Variants in RBFOX1 observed in about 807,000 individuals in gnomAD.
RBFOX1 encodes RNA binding protein fox-1 homolog 1.
Under a neutral mutation model 57.7 loss-of-function variants are expected in RBFOX1, and 8 were observed. The observed-to-expected ratio is 0.14, with a 90% CI of 0.08 to 0.25. The LOEUF is 0.25. RBFOX1 is among the 10% of genes least tolerant of loss of function. The pLI is 1.00. For synonymous variants in RBFOX1, 326 were observed against 222.4 expected, an observed-to-expected ratio of 1.47 and a Z score of -4.15; for missense variants, 611 against 548.5, an observed-to-expected ratio of 1.11 and a Z score of -1.14.
intron 14 of RBFOX1, among the ~76,000 whole-genome samples, chr16:7,692,211 A>G (rs532276612): frequency 6.6e-6 from 1 of 152,246 alleles, no homozygotes; most frequent in Non-Finnish European, 1.5e-5. Flanking sequence ...GTAGGAGAAA[A>G]GTACTAAAAA....
chr16:5,491,715 C>G (rs1244930790), intron 2 of RBFOX1, among the ~76,000 whole-genome samples: 1 of 152,228 alleles, frequency 6.6e-6, no homozygotes, highest in Non-Finnish European at 1.5e-5. Context: ...CCAGAATGTT[C>G]TCAGACTGCT....
At chr16:6,764,524 G>T (rs1039010100) in intron 3 of RBFOX1, among the ~76,000 whole-genome samples, 4 of 152,156 alleles carry the variant, frequency 2.6e-5, no homozygotes, top group African/African-American at 4.8e-5. Context: ...TCCACTCAAT[G>T]TTGGAGCAAC....
At chr16:7,384,739 C>T (rs1366776505) in intron 4 of RBFOX1, among the ~76,000 whole-genome samples, 2 of 152,226 alleles carry the variant, frequency 1.3e-5, no homozygotes, top group African/African-American at 2.4e-5. Flanking sequence ...GGATGAGTCT[C>T]TCATTCACTC....
intron 1 of RBFOX1, among the ~76,000 whole-genome samples, chr16:6,061,296 G>A (rs2095683135): frequency 6.6e-6 from 1 of 152,138 alleles, no homozygotes; most frequent in Non-Finnish European, 1.5e-5. Context: ...GCTATAATAA[G>A]CATGTTCATC....
At chr16:5,693,668 T>C (rs1421942137) in intron 3 of RBFOX1, among the ~76,000 whole-genome samples, 1 of 152,180 alleles carries the variant, frequency 6.6e-6, no homozygotes, top group African/African-American at 2.4e-5. Context: ...GTTCCAGAAC[T>C]TTTGATGCCA....
At chr16:6,943,860 C>T (rs1257761015) in intron 3 of RBFOX1, among the ~76,000 whole-genome samples, 2 of 152,138 alleles carry the variant, frequency 1.3e-5, no homozygotes, top group Non-Finnish European at 2.9e-5. Flanking sequence ...CTAGCTTTTT[C>T]TGTACCTCAC....
intron 3 of RBFOX1, among the ~76,000 whole-genome samples, chr16:5,841,600 T>C (rs1452190761): frequency 6.6e-6 from 1 of 152,240 alleles, no homozygotes; most frequent in Non-Finnish European, 1.5e-5. Flanking sequence ...AGTATATCTT[T>C]TCCAATATCT....
At chr16:5,385,470 A>G (rs1413474061) in intron 1 of RBFOX1, among the ~76,000 whole-genome samples, 1 of 152,232 alleles carries the variant, frequency 6.6e-6, no homozygotes, top group Non-Finnish European at 1.5e-5. Context: ...GTACTTAACA[A>G]CAATTAGTAA....
rs537806388 is a variant in RBFOX1 at position 5,580,954 on chromosome 16, G to C, written c.259-17948G>C. 2.6e-5 allele frequency among the ~76,000 whole-genome samples: 4 copies of C among 152,330 alleles called. No individual in the cohort carries two copies. The South Asian group carries it at 8.3e-4, about 32-fold the overall frequency. Reference sequence around the variant, plus strand: ...GAGGACGTGACAGGCTAAGGCAAGGGAAACAGTTTTCCTTTATCTCAACTC... The same window carrying C: ...GAGGACGTGACAGGCTAAGGCAAGGCAAACAGTTTTCCTTTATCTCAACTC... On this transcript the variant is annotated intron_variant, in intron 2 of 2. Coordinates refer to the RBFOX1 transcript ENST00000585867.
chr16:7,705,437 G>A (rs573119752), intron 14 of RBFOX1, among the ~76,000 whole-genome samples: 37 of 151,692 alleles, frequency 2.4e-4, no homozygotes, highest in Middle Eastern at 3.4e-3. Context: ...CTTGAGGGAC[G>A]GAGCTTGCAG....
At chr16:6,172,457 A>G (rs908042667) in intron 1 of RBFOX1, among the ~76,000 whole-genome samples, 3 of 152,086 alleles carry the variant, frequency 2.0e-5, no homozygotes, top group Non-Finnish European at 4.4e-5. Context: ...ATCACTTCCC[A>G]TCTTCCTTGG....
chr16:6,855,542 A>T (rs995160337), intron 3 of RBFOX1, among the ~76,000 whole-genome samples: 4 of 151,246 alleles, frequency 2.6e-5, no homozygotes, highest in African/African-American at 9.8e-5. Flanking sequence ...AGTCCCAGCT[A>T]CTGGGGAGGC....
chr16:5,388,709 G>A (rs2066321487), intron 1 of RBFOX1, among the ~76,000 whole-genome samples: 1 of 151,788 alleles, frequency 6.6e-6, no homozygotes, highest in Non-Finnish European at 1.5e-5. Context: ...TGAGTAGCTG[G>A]GACTACAGGT....
intron 2 of RBFOX1, among the ~76,000 whole-genome samples, chr16:6,444,268 C>A (rs1270385212): frequency 1.3e-5 from 2 of 152,056 alleles, no homozygotes; most frequent in Non-Finnish European, 2.9e-5. Flanking sequence ...GGACCCGGCA[C>A]AATGCCTGGC....
At chr16:6,274,279 T>C (rs13337188) in intron 1 of RBFOX1, among the ~76,000 whole-genome samples, 9,934 of 152,170 alleles carry the variant, frequency 0.065, 399 homozygotes, top group Middle Eastern at 0.15. Context: ...TCATAATAGA[T>C]AGAAACTGGG....
intron 1 of RBFOX1, among the ~76,000 whole-genome samples, chr16:6,159,903 C>T (rs2096865630): frequency 6.6e-6 from 1 of 152,070 alleles, no homozygotes; most frequent in Non-Finnish European, 1.5e-5. Flanking sequence ...TTGTGCTGCT[C>T]TTTTCTTTTG....
At chr16:5,480,773 C>G (rs542668915) in intron 2 of RBFOX1, among the ~76,000 whole-genome samples, 1 of 152,324 alleles carries the variant, frequency 6.6e-6, no homozygotes, top group South Asian at 2.1e-4. Flanking sequence ...AGAAACAGTT[C>G]TGTGCCTTTC....
chr16:7,562,541 T>A (rs1325584688), intron 5 of RBFOX1, among the ~76,000 whole-genome samples: 1 of 152,024 alleles, frequency 6.6e-6, no homozygotes, highest in African/African-American at 2.4e-5. Context: ...CCAAGTAACC[T>A]AGGAATGTGG....
At chr16:5,539,526 G>A (rs766776959) in intron 2 of RBFOX1, among the ~76,000 whole-genome samples, 3 of 152,034 alleles carry the variant, frequency 2.0e-5, no homozygotes, top group Non-Finnish European at 4.4e-5. Flanking sequence ...AATTGAACCT[G>A]GGAGGTGGAG....
Sources: gnomAD v4.1 joint callset for allele counts (sites outside exome capture counted in the v4.1 genomes callset) on GRCh38, gnomAD v4.1.1 for gene constraint, MANE v1.5 for transcripts, NCBI Gene and HGNC (gene_info 2026-07-23, HGNC 2026-07-21) for gene names.